The following PDE1A variants were observed in gnomAD, a reference collection of about 807,000 sequenced individuals.
PDE1A encodes the protein phosphodiesterase 1A, also known as dual specificity calcium/calmodulin-dependent 3',5'-cyclic nucleotide phosphodiesterase 1A.
A neutral mutation model predicts 61.7 loss-of-function variants in PDE1A; 35 were observed. That is an observed-to-expected ratio of 0.57 (90% CI 0.43 to 0.75). The LOEUF (loss-of-function observed/expected upper bound fraction) is 0.75. PDE1A is among the 30% of genes least tolerant of loss of function. The probability of loss-of-function intolerance (pLI) is 0.00; values close to 1 mark genes in which losing one functional copy is unlikely to be tolerated. For synonymous variants in PDE1A, 232 were observed against 213.2 expected (o/e 1.09, Z -0.77); for missense variants, 597 against 630.6 (o/e 0.95, Z 0.57).
the PDE1A span, among the ~76,000 whole-genome samples, chr2:182,556,745 T>C: frequency 2.6e-5 from 4 of 152,220 alleles, no homozygotes; most frequent in Non-Finnish European, 5.9e-5. Context: ...ACTAGAAATA[T>C]GACATTTTAA....
At chr2:182,479,545 A>T (rs946152144) in intron 2 of PDE1A, among the ~76,000 whole-genome samples, 1 of 148,198 alleles carries the variant, frequency 6.7e-6, no homozygotes, top group South Asian at 2.3e-4. Context: ...GAAGACAGGC[A>T]GGAAGGAAGA....
intron 1 of PDE1A, among the ~76,000 whole-genome samples, chr2:182,293,547 G>A (rs1004211657): frequency 3.3e-5 from 5 of 151,738 alleles, no homozygotes; most frequent in Non-Finnish European, 7.4e-5. Flanking sequence ...CAACTTCCAC[G>A]TACATCATGA....
chr2:182,152,264 C>A (rs887045574), intron 13 of PDE1A, among the ~76,000 whole-genome samples: 74 of 151,986 alleles, frequency 4.9e-4, no homozygotes, highest in Non-Finnish European at 7.5e-4. Context: ...ATTAAAGTTA[C>A]AGTCATTGGA....
chr2:182,683,310 C>A, the PDE1A span, among the ~76,000 whole-genome samples: 2 of 152,124 alleles, frequency 1.3e-5, no homozygotes, highest in South Asian at 4.2e-4. Context: ...AACTCCTGAC[C>A]TCATGATCCA....
chr2:182,627,223 ATATAT>A, the PDE1A span, among the ~76,000 whole-genome samples: 1 of 25,108 alleles, frequency 4.0e-5, no homozygotes, highest in Non-Finnish European at 8.2e-5. Flanking sequence ...AATATAAATA[ATATAT>A]TATTTATATA....
At chr2:182,511,871 T>C (rs969758569) in intron 2 of PDE1A, among the ~76,000 whole-genome samples, 3 of 152,160 alleles carry the variant, frequency 2.0e-5, no homozygotes, top group African/African-American at 7.2e-5. Context: ...AGAGAGCTTC[T>C]GCAGATGGGC....
At chr2:182,699,771 A>C in the PDE1A span, among the ~76,000 whole-genome samples, 1 of 152,230 alleles carries the variant, frequency 6.6e-6, no homozygotes, top group Non-Finnish European at 1.5e-5. Context: ...ACTGTGTACC[A>C]GGCTTTTTAA....
the PDE1A span, among the ~76,000 whole-genome samples, chr2:182,658,394 T>C: frequency 6.6e-6 from 1 of 152,258 alleles, no homozygotes; most frequent in Non-Finnish European, 1.5e-5. Flanking sequence ...ATGGCCTTAT[T>C]AGAAGGACAC....
chr2:182,298,131 A>G (rs1695006984), intron 1 of PDE1A, among the ~76,000 whole-genome samples: 1 of 152,196 alleles, frequency 6.6e-6, no homozygotes, highest in Non-Finnish European at 1.5e-5. Context: ...ACAGCACCAC[A>G]ATTGTTAACT....
chr2:182,716,000 G>A, the PDE1A span: 2 of 152,452 alleles, frequency 1.3e-5, no homozygotes, highest in Non-Finnish European at 2.9e-5. Flanking sequence ...GAAGAGGCGG[G>A]CTTCGCCATC....
intron 13 of PDE1A, among the ~76,000 whole-genome samples, chr2:182,170,872 G>T (rs1391779591): frequency 6.6e-6 from 1 of 151,780 alleles, no homozygotes; most frequent in Non-Finnish European, 1.5e-5. Context: ...TGCATCTTAA[G>T]ATGTTTCAAA....
At chr2:182,376,797 G>A (rs1311643288) in intron 1 of PDE1A, among the ~76,000 whole-genome samples, 1 of 152,156 alleles carries the variant, frequency 6.6e-6, no homozygotes, top group African/African-American at 2.4e-5. Flanking sequence ...TGTGGCTGGG[G>A]AAGCCTCAAA....
At chr2:182,146,830 T>C (rs975567782), downstream of PDE1A, among the ~76,000 whole-genome samples, 6 of 152,126 alleles carry the variant, frequency 3.9e-5, no homozygotes, top group African/African-American at 1.4e-4. Context: ...TTCCAGTAAA[T>C]ATAATTTTTG....
chr2:182,502,746 A>G (rs779863098), intron 2 of PDE1A, among the ~76,000 whole-genome samples: 1 of 152,116 alleles, frequency 6.6e-6, no homozygotes. Context: ...TGGCAGCAAA[A>G]CTTGGCCAGA....
intron 2 of PDE1A, among the ~76,000 whole-genome samples, chr2:182,256,783 C>A (rs1691852395): frequency 1.3e-5 from 2 of 152,074 alleles, no homozygotes; most frequent in South Asian, 4.2e-4. Context: ...CTACAGATAC[C>A]AACCTTTCAT....
chr2:182,695,688 A>G, the PDE1A span, among the ~76,000 whole-genome samples: 3 of 150,166 alleles, frequency 2.0e-5, no homozygotes, highest in African/African-American at 7.3e-5. Flanking sequence ...AAAAAAAAGA[A>G]AAAGAAAAAG....
intron 1 of PDE1A, among the ~76,000 whole-genome samples, chr2:182,380,442 G>T (rs1308606973): frequency 6.6e-6 from 1 of 152,060 alleles, no homozygotes; most frequent in Admixed American, 6.5e-5. Flanking sequence ...CTAGCTTTCT[G>T]TCTCTCCTGC....
At chr2:182,165,082 T>C (rs746088514), downstream of PDE1A, among the ~76,000 whole-genome samples, 33 of 152,146 alleles carry the variant, frequency 2.2e-4, no homozygotes, top group African/African-American at 6.0e-4. Context: ...AGGGCTGAGA[T>C]AGATTTCTCC....
At position 182,223,958 on chromosome 2, in the gene PDE1A, G is replaced by A. The variant is rs758752220; in HGVS notation, c.682C>T (p.Leu228Phe). Reference sequence around the variant, plus strand: ...ATTGCTAAAATTTCCAGTTCAGTGAGCCAGTGCTAGTAAATTACAGAAAGA... The same window carrying A: ...ATTGCTAAAATTTCCAGTTCAGTGAACCAGTGCTAGTAAATTACAGAAAGA... Residue 228 changes from leucine to phenylalanine, a missense_variant, in exon 7 of 14, where the codon CTC (leucine) becomes TTC (phenylalanine). By Grantham distance (22) the Leu-to-Phe change is conservative (BLOSUM62 0). Transcript: ENST00000351439. The A allele has an allele frequency of 1.1e-5, 17 of 1,598,268 alleles. No homozygotes were observed. The Admixed American group carries it at 1.9e-4, about 18-fold the overall frequency.
Sources: gnomAD v4.1 joint callset for allele counts (sites outside exome capture counted in the v4.1 genomes callset) on GRCh38, gnomAD v4.1.1 for gene constraint, MANE v1.5 for transcripts, NCBI Gene and HGNC (gene_info 2026-07-23, HGNC 2026-07-21) for gene names.